MTF1: variants seen among roughly 807,000 people sequenced by gnomAD.
The protein encoded by MTF1 is MRE-binding transcription factor.
In MTF1, 22 loss-of-function variants were observed where a neutral mutation model predicts 70.4. The ratio of observed to expected loss-of-function variants is 0.31; its 90% CI spans 0.22 to 0.45. MTF1 has a LOEUF of 0.45. Ranked by LOEUF, MTF1 falls within the 20% of genes least tolerant of loss-of-function variation. MTF1 has a pLI of 1.00. For missense variants in MTF1, 649 were observed against 922.0 expected (o/e 0.70, Z 3.83); for synonymous variants, 333 against 352.8 (o/e 0.94, Z 0.63).
rs1224984996 is a variant in MTF1 at position 37,813,245 on chromosome 1, C to G, written c.*1891G>C. ...TGAGCCAAGATTGCGCCACTGCACT[C>G]CAGCCAGGGCAACAAAAGCAAAACT... On this transcript the variant is annotated 3_prime_UTR_variant, in exon 11 of 11. Coordinates refer to ENST00000373036, the MANE Select transcript of MTF1 (RefSeq NM_005955.3). 7 of 152,136 alleles carry G rather than the reference C, an allele frequency of 4.6e-5. No individual in the cohort carries two copies. The highest frequency in any genetic ancestry group is 4.6e-4 in the Admixed American group (7 of 15,272). The allele number at this position is 152,136 out of a possible 1,614,324, so 9.4% of individuals were successfully genotyped here.
intron 2 of MTF1, among the ~76,000 whole-genome samples, chr1:37,848,844 A>T (rs1286305350): frequency 6.6e-6 from 1 of 152,240 alleles, no homozygotes; most frequent in East Asian, 1.9e-4. Flanking sequence ...CACAGTATGC[A>T]AAGACTAAAA....
chr1:37,855,064 A>G (rs2148423805), intron 2 of MTF1, among the ~76,000 whole-genome samples: 1 of 152,292 alleles, frequency 6.6e-6, no homozygotes, highest in Middle Eastern at 3.4e-3. Flanking sequence ...CATCTCAAAA[A>G]AAGAAGAAAA....
rs777065975 is a variant in MTF1, at chr1:37,815,598, A to G, written c.1832-32T>C. On this transcript the variant is annotated intron_variant, in intron 10 of 10. Transcript: ENST00000373036. The surrounding 1 kb of genome is among the most constrained non-coding windows in gnomAD (Gnocchi z 4.5). Reference sequence around the variant, plus strand: ...GAGAGGCAAGAGAGACTGCTCTTCAAGTAGCTGCAGGGGCAGGAGCATGAG... The same window carrying G: ...GAGAGGCAAGAGAGACTGCTCTTCAGGTAGCTGCAGGGGCAGGAGCATGAG... 1 of 1,495,896 alleles carries G rather than the reference A, an allele frequency of 6.7e-7. No individual in the cohort carries two copies. Among genetic ancestry groups the G allele is most frequent in the Non-Finnish European group, 9.0e-7 (1 of 1,115,502 alleles). 92.7% of individuals were successfully genotyped at this position (1,495,896 alleles called of 1,614,324 possible). A position where few individuals can be genotyped will look rare whatever the true frequency, so the allele number is the denominator to read the frequency against.
chr1:37,847,315 C>G (rs991520196), intron 2 of MTF1, among the ~76,000 whole-genome samples: 6 of 152,220 alleles, frequency 3.9e-5, no homozygotes, highest in African/African-American at 1.4e-4. Context: ...CAGTTCAAAT[C>G]TCGGTTCTAC....
At chr1:37,828,173 T>TA (rs554470681) in intron 7 of MTF1, 66,486 of 294,918 alleles carry the variant, frequency 0.23, 7 homozygotes, top group South Asian at 0.31. Context: ...ATAAAAGCAT[T>TA]AAAAAAAAAA....
intron 8 of MTF1, among the ~76,000 whole-genome samples, chr1:37,823,076 T>C (rs1332472853): frequency 6.6e-6 from 1 of 152,166 alleles, no homozygotes; most frequent in Admixed American, 6.5e-5. Context: ...CAGTATGATA[T>C]ATGCAGCTGA....
In MTF1 at chr1:37,831,541, A is replaced by G. The variant is rs115430475; in HGVS notation, c.1068+704T>C. On this transcript the variant is annotated intron_variant, in intron 7 of 10. Coordinates refer to ENST00000373036, the MANE Select transcript of MTF1 (RefSeq NM_005955.3). ...ACTCAAAATTAGTGTTAGCAATACT[A>G]TAAAACTCTCATGTTCAACATGGAG... is the stretch of plus-strand genomic sequence containing the variant. 4.8e-3 allele frequency among the ~76,000 whole-genome samples: 734 copies of G among 152,376 alleles called. 11 individuals carry two copies. The highest frequency in any genetic ancestry group is 0.016 in the African/African-American group (657 of 41,592).
At chr1:37,851,046 C>A (rs1404569875) in intron 2 of MTF1, among the ~76,000 whole-genome samples, 1 of 152,052 alleles carries the variant, frequency 6.6e-6, no homozygotes, top group Non-Finnish European at 1.5e-5. Flanking sequence ...CCTCTTCAGG[C>A]CAAATAAGTG....
intron 2 of MTF1, among the ~76,000 whole-genome samples, chr1:37,842,897 A>G (rs893373288): frequency 6.6e-6 from 1 of 152,210 alleles, no homozygotes; most frequent in Non-Finnish European, 1.5e-5. Flanking sequence ...ACTTAGCAAG[A>G]CTAGTTTCAG....
intron 2 of MTF1, among the ~76,000 whole-genome samples, chr1:37,845,113 C>T (rs1641314031): frequency 6.6e-6 from 1 of 152,180 alleles, no homozygotes; most frequent in South Asian, 2.1e-4. Flanking sequence ...ACACAACTTC[C>T]GGGACTAGCA....
At chr1:37,855,776 G>C (rs1228577450) in intron 2 of MTF1, among the ~76,000 whole-genome samples, 1 of 152,094 alleles carries the variant, frequency 6.6e-6, no homozygotes, top group Non-Finnish European at 1.5e-5. Context: ...GGCTAACATG[G>C]TGAAACCTCA....
At chr1:37,817,996 G>A (rs1557585303) in intron 9 of MTF1, among the ~76,000 whole-genome samples, 1 of 152,214 alleles carries the variant, frequency 6.6e-6, no homozygotes, top group African/African-American at 2.4e-5. Flanking sequence ...TCAAGGGTGG[G>A]CCCTGGATTC....
intron 7 of MTF1, among the ~76,000 whole-genome samples, chr1:37,831,117 T>G (rs1050570442): frequency 5.3e-5 from 8 of 152,218 alleles, no homozygotes; most frequent in Non-Finnish European, 1.0e-4. Context: ...CTTCCAAGGT[T>G]ACCTCTGCTT....
In MTF1 at chr1:37,815,466, C is replaced by T. The variant is rs751080505; in HGVS notation, c.1932G>A (p.Glu644=). Residue 644 remains glutamate (E), a synonymous_variant, in exon 11 of 11, where the codon GAG becomes GAA. Transcript: ENST00000373036. The surrounding 1 kb of genome is among the most constrained non-coding windows in gnomAD (Gnocchi z 4.5). Reference sequence around the variant, plus strand: ...AGCCCTTTCTCCTGCTGGATGCCCGCTCCTTTGCAGAGTCCCGGCATGCAC... The same window carrying T: ...AGCCCTTTCTCCTGCTGGATGCCCGTTCCTTTGCAGAGTCCCGGCATGCAC... The part of the protein sequence containing the change: ...CQCACRDSAK[E]RASSRRKGCS... The T allele has an allele frequency of 1.2e-6, 2 of 1,603,954 alleles. No homozygotes were observed. The highest frequency in any genetic ancestry group is 1.7e-4 in the Middle Eastern group (1 of 5,994).
chr1:37,818,251 G>A (rs1640849825), intron 9 of MTF1, among the ~76,000 whole-genome samples: 1 of 152,184 alleles, frequency 6.6e-6, no homozygotes. Context: ...ATGGATTAAT[G>A]AGTTATCATG....
At chr1:37,819,187 A>G (rs897013199) in intron 9 of MTF1, among the ~76,000 whole-genome samples, 1 of 152,198 alleles carries the variant, frequency 6.6e-6, no homozygotes, top group African/African-American at 2.4e-5. Flanking sequence ...TTCTTTATCA[A>G]TTACCCAGTT....
At chr1:37,856,779 C>T (rs774089356) in intron 2 of MTF1, among the ~76,000 whole-genome samples, 43 of 152,164 alleles carry the variant, frequency 2.8e-4, no homozygotes, top group Admixed American at 5.2e-4. Context: ...GGATTACAGG[C>T]GTGTGCCACT....
chr1:37,838,830 G>GTTTTTTTT (rs1641212906), intron 3 of MTF1, 74 bp from the exon 4 acceptor site: 1 of 761,220 alleles, frequency 1.3e-6, no homozygotes, highest in African/African-American at 2.4e-5. Flanking sequence ...CTGAGACAGA[G>GTTTTTTTT]TTTCGCTCTT....
At position 37,822,735 on chromosome 1, in the gene MTF1, A is replaced by G. The variant is rs531160345; in HGVS notation, c.1172-19T>C. 156 of 1,551,640 alleles carry G rather than the reference A, an allele frequency of 1.0e-4. 1 individual carries two copies. In the Admixed American group the frequency reaches 2.5e-3, roughly 25 times the overall value. On this transcript the variant is annotated intron_variant, in intron 8 of 10. Transcript: ENST00000373036. ...AAGGAAGCTGGCAAGAAAAAGAAAT[A>G]GAAATATATATACATATCCCAAGCC...
Sources: gnomAD v4.1 joint callset for allele counts (sites outside exome capture counted in the v4.1 genomes callset) on GRCh38, gnomAD v4.1.1 for gene constraint, Gnocchi (gnomAD v3.1) non-coding constraint, MANE v1.5 for transcripts, NCBI Gene and HGNC (gene_info 2026-07-23, HGNC 2026-07-21) for gene names.